LRP2: variants seen among roughly 807,000 people sequenced by gnomAD.
LRP2 encodes the protein low-density lipoprotein receptor-related protein 2.
A neutral mutation model predicts 531.0 loss-of-function variants in LRP2; 172 were observed. The ratio of observed to expected loss-of-function variants is 0.32; its 90% CI spans 0.29 to 0.37. The LOEUF is 0.37. Ranked by LOEUF, LRP2 falls within the 10% of genes least tolerant of loss-of-function variation. LRP2 has a pLI of 1.00. For synonymous variants in LRP2, 1,992 were observed against 2,027.6 expected, an observed-to-expected ratio of 0.98 and a Z score of 0.47; for missense variants, 5,167 against 5,868.3, an observed-to-expected ratio of 0.88 and a Z score of 3.90.
chr2:169,220,358 A>T (rs1286214339), intron 34 of LRP2, 96 bp downstream of exon 34: 2 of 871,862 alleles, frequency 2.3e-6, no homozygotes, highest in Non-Finnish European at 2.0e-6. Context: ...ATGAAATCAG[A>T]AGATGTCCTA....
rs867941074 is a variant in LRP2 at position 169,233,510 on chromosome 2, G to A, written c.4999C>T (p.Arg1667Ter). The A allele has an allele frequency of 1.2e-6, 2 of 1,613,894 alleles. No individual in the cohort carries two copies. Among genetic ancestry groups the A allele is most frequent in the Admixed American group, 1.7e-5 (1 of 59,996 alleles). The change falls in exon 30 of 79, where the codon CGA becomes TGA. Residue 1667 changes from arginine (R) to a stop codon, truncating the protein, a stop_gained. Coordinates refer to ENST00000649046, the MANE Select transcript of LRP2 (RefSeq NM_004525.3). LOFTEE classifies it high-confidence loss of function. Reference sequence around the variant, plus strand: ...TTCCCTCCATGCCACTTGTTGGCTCGCATAACCCGACGAGTAGCACGGTCA... The same window carrying A: ...TTCCCTCCATGCCACTTGTTGGCTCACATAACCCGACGAGTAGCACGGTCA... ...WTDRATRRVM[R>*]ANKWHGGNQS...
chr2:169,347,052 A>G (rs1415514293), intron 1 of LRP2, among the ~76,000 whole-genome samples: 2 of 152,198 alleles, frequency 1.3e-5, no homozygotes, highest in South Asian at 2.1e-4. Context: ...TTTCAAGACT[A>G]TATCACACCT....
chr2:169,279,279 T>C (rs921967016), intron 12 of LRP2, 93 bp downstream of exon 12: 2 of 929,118 alleles, frequency 2.2e-6, no homozygotes, highest in Non-Finnish European at 3.5e-6. Flanking sequence ...GAAATCAGAA[T>C]GAGCCTTTGA....
rs755025641 is a variant in LRP2 at position 169,279,578 on chromosome 2, A to G, written c.1359T>C (p.Ile453=). The G allele has an allele frequency of 1.2e-6, 2 of 1,612,298 alleles. No homozygotes were observed. Among genetic ancestry groups the G allele is most frequent in the African/African-American group, 1.3e-5 (1 of 75,004 alleles). Residue 453 remains isoleucine, a synonymous_variant, in exon 12 of 79, where the codon ATT becomes ATC. Transcript: ENST00000649046. ...GAACCTCTTGGATATTTAAACCATT[A>G]ATGTCAACTGAAAAAACCTGAAAGA... ...TVQNKVFSVD[I]NGLNIQEVLN... is the part of the protein sequence containing the mutation.
chr2:169,241,411 G>A (rs1454717297), intron 24 of LRP2, 46 bp from the exon 25 acceptor site: 1 of 1,608,634 alleles, frequency 6.2e-7, no homozygotes, highest in South Asian at 1.1e-5. Flanking sequence ...TGTAATTTGT[G>A]ATCCCTTTTA....
intron 10 of LRP2, among the ~76,000 whole-genome samples, chr2:169,281,205 T>C (rs1683694049): frequency 6.6e-6 from 1 of 152,050 alleles, no homozygotes; most frequent in South Asian, 2.1e-4. Context: ...GCAGATCACC[T>C]GAAGTCAGGA....
chr2:169,151,897 T>G (rs145431718), intron 67 of LRP2, among the ~76,000 whole-genome samples: 1 of 152,322 alleles, frequency 6.6e-6, no homozygotes, highest in Admixed American at 6.5e-5. Context: ...CCCAATTAGC[T>G]TCTTCAAAGA....
At chr2:169,137,907 A>G (rs1685577756) in intron 75 of LRP2, among the ~76,000 whole-genome samples, 1 of 152,110 alleles carries the variant, frequency 6.6e-6, no homozygotes, top group Non-Finnish European at 1.5e-5. Context: ...AGGGAAGGAA[A>G]ACAATGAAAG....
chr2:169,247,236 C>T, intron 20 of LRP2, 142 bp downstream of exon 20: 1 of 988,450 alleles, frequency 1.0e-6, no homozygotes. Context: ...GTCTTACACT[C>T]TTAGATTATG....
chr2:169,242,604 T>TTCTC (rs1689848763), intron 24 of LRP2, among the ~76,000 whole-genome samples: 1 of 152,178 alleles, frequency 6.6e-6, no homozygotes, highest in Non-Finnish European at 1.5e-5. Flanking sequence ...CTACTGAAAC[T>TTCTC]TAAAAGAAAC....
At chr2:169,326,132 GCCTCTCCCTCTCCCTCTCCCTCTC>G (rs775827513) in intron 1 of LRP2, among the ~76,000 whole-genome samples, 1 of 79,848 alleles carries the variant, frequency 1.3e-5, no homozygotes, top group Non-Finnish European at 2.3e-5. Context: ...TTTTTGCTCT[GCCTCTCCCTCTCCCTCTCCCTCTC>G]CCTCTCCCTC....
intron 16 of LRP2, among the ~76,000 whole-genome samples, chr2:169,268,866 C>A (rs1402838535): frequency 3.3e-5 from 5 of 152,150 alleles, no homozygotes; most frequent in African/African-American, 1.2e-4. Context: ...ATCATCTCAG[C>A]CCAATATCTC....
intron 1 of LRP2, among the ~76,000 whole-genome samples, chr2:169,339,448 A>G (rs1410585284): frequency 6.6e-6 from 1 of 152,212 alleles, no homozygotes; most frequent in Non-Finnish European, 1.5e-5. Flanking sequence ...TCAAAAATAT[A>G]TCACTACTTA....
At chr2:169,245,820 G>A (rs1689983968) in intron 21 of LRP2, among the ~76,000 whole-genome samples, 1 of 151,996 alleles carries the variant, frequency 6.6e-6, no homozygotes, top group Non-Finnish European at 1.5e-5. Context: ...CTATTCTCTC[G>A]GTTGCTAAAT....
At chr2:169,247,218 G>T (rs987065516) in intron 20 of LRP2, among the ~76,000 whole-genome samples, 160 bp downstream of exon 20, 1 of 152,144 alleles carries the variant, frequency 6.6e-6, no homozygotes, top group Admixed American at 6.5e-5. Context: ...ATTGAACAGA[G>T]ATTTCAAGTC....
intron 19 of LRP2, among the ~76,000 whole-genome samples, chr2:169,247,895 G>C (rs1370943944): frequency 6.6e-6 from 1 of 152,188 alleles, no homozygotes; most frequent in Non-Finnish European, 1.5e-5. Flanking sequence ...AGTGCTCTTA[G>C]GCAAATACTA....
intron 1 of LRP2, among the ~76,000 whole-genome samples, chr2:169,348,914 C>T (rs1278419205): frequency 3.9e-5 from 6 of 152,136 alleles, no homozygotes; most frequent in Non-Finnish European, 7.4e-5. Context: ...CCATCAGGAC[C>T]TTGACTGGGC....
intron 48 of LRP2, among the ~76,000 whole-genome samples, chr2:169,191,478 C>CCCTAGGCATTTTTGCCTAGGCATTTTTG (rs1487182493): frequency 6.6e-6 from 1 of 152,072 alleles, no homozygotes; most frequent in African/African-American, 2.4e-5. Flanking sequence ...CTTTCACAGG[C>CCCTAGGCATTTTTGCCTAGGCATTTTTG]CCTAGGCATT....
chr2:169,159,742 A>G (rs1363892842), intron 63 of LRP2, among the ~76,000 whole-genome samples: 1 of 152,138 alleles, frequency 6.6e-6, no homozygotes, highest in Non-Finnish European at 1.5e-5. Context: ...AATCTGACCT[A>G]TGTTTATTAA....
Sources: allele counts gnomAD v4.1 joint callset (sites outside exome capture counted in the v4.1 genomes callset), GRCh38; gene constraint gnomAD v4.1.1; transcripts MANE v1.5; gene names NCBI Gene and HGNC (gene_info 2026-07-23, HGNC 2026-07-21).